The following FAF1 variants were observed in gnomAD, a reference collection of about 807,000 sequenced individuals.
FAF1 encodes the protein FAS-associated factor 1.
Under a neutral mutation model 92.5 loss-of-function variants are expected in FAF1, and 25 were observed. The observed-to-expected ratio is 0.27, with a 90% CI of 0.20 to 0.38. The LOEUF (loss-of-function observed/expected upper bound fraction) is 0.38. FAF1 is among the 10% of genes least tolerant of loss of function. FAF1 has a pLI of 1.00. For synonymous variants in FAF1, 234 were observed against 273.2 expected (o/e 0.86, Z 1.42); for missense variants, 636 against 793.3 (o/e 0.80, Z 2.38).
intron 13 of FAF1, among the ~76,000 whole-genome samples, chr1:50,554,896 A>G (rs1649494923): frequency 1.3e-5 from 2 of 152,264 alleles, no homozygotes; most frequent in East Asian, 1.9e-4. Context: ...TCGTATTTCC[A>G]GCCTGACTGA....
chr1:50,648,914 G>A (rs770380347), intron 8 of FAF1, among the ~76,000 whole-genome samples: 1 of 152,116 alleles, frequency 6.6e-6, no homozygotes, highest in Non-Finnish European at 1.5e-5. Context: ...TAACAAGAGC[G>A]AAACTCCATC....
chr1:50,642,074 G>A (rs943694534), intron 8 of FAF1, among the ~76,000 whole-genome samples: 5 of 151,668 alleles, frequency 3.3e-5, no homozygotes, highest in African/African-American at 7.3e-5. Flanking sequence ...ATGGTGGCGG[G>A]TGCCCGTAAT....
chr1:50,944,130 T>G (rs1223797904), intron 1 of FAF1, among the ~76,000 whole-genome samples: 1 of 152,134 alleles, frequency 6.6e-6, no homozygotes, highest in Non-Finnish European at 1.5e-5. Context: ...AGTAAAGAAG[T>G]GTTCACAGGT....
chr1:50,816,205 C>CTTTTTTTTTT (rs1167616418), intron 2 of FAF1, among the ~76,000 whole-genome samples: 1 of 106,684 alleles, frequency 9.4e-6, no homozygotes, highest in Admixed American at 9.4e-5. Flanking sequence ...TTTCCTTTTT[C>CTTTTTTTTTT]TTTTTTTTTT....
At chr1:50,743,439 C>T (rs1191587185) in intron 5 of FAF1, among the ~76,000 whole-genome samples, 1 of 152,000 alleles carries the variant, frequency 6.6e-6, no homozygotes, top group Non-Finnish European at 1.5e-5. Flanking sequence ...GCAATTCTCC[C>T]ACCTCAGCCT....
At chr1:50,496,132 T>C (rs1448220380) in intron 15 of FAF1, among the ~76,000 whole-genome samples, 2 of 152,192 alleles carry the variant, frequency 1.3e-5, no homozygotes, top group African/African-American at 4.8e-5. Context: ...AAAGACTAAT[T>C]CAAAATTCCA....
intron 3 of FAF1, among the ~76,000 whole-genome samples, chr1:50,800,092 T>C (rs1218149014): frequency 6.6e-6 from 1 of 152,114 alleles, no homozygotes; most frequent in Non-Finnish European, 1.5e-5. Flanking sequence ...TGATCACAGT[T>C]CAACCCCAAA....
intron 17 of FAF1, among the ~76,000 whole-genome samples, chr1:50,482,175 T>C (rs1049032207): frequency 2.0e-5 from 3 of 152,208 alleles, no homozygotes; most frequent in Non-Finnish European, 4.4e-5. Flanking sequence ...CTAATCTTTA[T>C]TCTGATCCTA....
intron 1 of FAF1, among the ~76,000 whole-genome samples, chr1:50,867,903 A>G (rs1245111817): frequency 6.6e-6 from 1 of 152,208 alleles, no homozygotes. Flanking sequence ...CACAATTTGC[A>G]ATTACAAAAA....
chr1:50,857,883 A>G, intron 2 of FAF1, 46 bp downstream of exon 2: 1 of 1,184,708 alleles, frequency 8.4e-7, no homozygotes, highest in Middle Eastern at 2.0e-4. Flanking sequence ...ACATTCAAGA[A>G]TTCATAAAAT....
At chr1:50,541,240 G>A (rs905068850) in intron 13 of FAF1, among the ~76,000 whole-genome samples, 1 of 152,198 alleles carries the variant, frequency 6.6e-6, no homozygotes, top group Non-Finnish European at 1.5e-5. Context: ...CACTAGAACT[G>A]TTGGCAAGAG....
chr1:50,841,557 G>A (rs1167369873), intron 2 of FAF1, among the ~76,000 whole-genome samples: 16 of 151,904 alleles, frequency 1.1e-4, no homozygotes. Context: ...AAGAAATACA[G>A]GATAAACCAA....
chr1:50,791,230 T>A (rs1303320824), intron 3 of FAF1, among the ~76,000 whole-genome samples: 1 of 152,162 alleles, frequency 6.6e-6, no homozygotes, highest in Non-Finnish European at 1.5e-5. Context: ...CTCTTAAATA[T>A]CTATGAACAG....
chr1:50,656,884 A>G (rs1163824916), intron 7 of FAF1, among the ~76,000 whole-genome samples: 2 of 152,190 alleles, frequency 1.3e-5, no homozygotes, highest in Admixed American at 1.3e-4. Flanking sequence ...CTCTGTCTCA[A>G]AAGAAAATAA....
chr1:50,573,620 G>C (rs755891181), intron 12 of FAF1, among the ~76,000 whole-genome samples: 51 of 152,032 alleles, frequency 3.4e-4, no homozygotes, highest in Non-Finnish European at 6.2e-4. Context: ...TGATTTCAGA[G>C]ACCAACAAGC....
intron 15 of FAF1, among the ~76,000 whole-genome samples, chr1:50,530,808 C>T (rs560351412): frequency 1.3e-5 from 2 of 152,066 alleles, no homozygotes; most frequent in African/African-American, 4.8e-5. Flanking sequence ...ACAAGAACAA[C>T]AACAACAAAA....
Position 50,468,755 on chromosome 1 carries a change from G to A in FAF1, c.1869+6709C>T, listed in dbSNP as rs933597829. 5.3e-5 allele frequency among the ~76,000 whole-genome samples: 8 copies of A among 151,738 alleles called. No individual in the cohort carries two copies. In the East Asian group the frequency reaches 1.4e-3, roughly 26 times the overall value. ...ATTACAGGTGTGAGCCACCACGCCC[G>A]GCCTAATTTTTGTATTTTTTAGTAG... On this transcript the variant is annotated intron_variant, in intron 18 of 18. Transcript: ENST00000396153.
chr1:50,784,684 A>C (rs1342895778), intron 4 of FAF1, among the ~76,000 whole-genome samples: 1 of 152,200 alleles, frequency 6.6e-6, no homozygotes, highest in Admixed American at 6.5e-5. Context: ...TAAGGAAATA[A>C]TCCTAAATAT....
At chr1:50,644,319 T>C (rs949898610) in intron 8 of FAF1, among the ~76,000 whole-genome samples, 1 of 152,238 alleles carries the variant, frequency 6.6e-6, no homozygotes, top group African/African-American at 2.4e-5. Flanking sequence ...CTACAATGTG[T>C]AGTTGGAAGA....
Sources: allele counts gnomAD v4.1 joint callset (sites outside exome capture counted in the v4.1 genomes callset), GRCh38; gene constraint gnomAD v4.1.1; transcripts MANE v1.5; gene names NCBI Gene and HGNC (gene_info 2026-07-23, HGNC 2026-07-21).